CNTN4: variants seen among roughly 807,000 people sequenced by gnomAD.
The protein encoded by CNTN4 is contactin 4.
A neutral mutation model predicts 122.5 loss-of-function variants in CNTN4; 77 were observed. The ratio of observed to expected loss-of-function variants is 0.63; its 90% CI spans 0.52 to 0.76. The LOEUF (loss-of-function observed/expected upper bound fraction) is 0.76, where lower values mean the gene tolerates loss of function less well. Ranked by LOEUF, CNTN4 falls within the 30% of genes least tolerant of loss-of-function variation. The pLI is 0.00. For synonymous variants in CNTN4, 512 were observed against 447.0 expected (o/e 1.15, Z -1.83); for missense variants, 1,256 against 1,259.1 (o/e 1.00, Z 0.04).
intron 4 of CNTN4, among the ~76,000 whole-genome samples, chr3:2,674,555 G>A (rs1039369842): frequency 1.3e-5 from 2 of 152,158 alleles, no homozygotes; most frequent in Admixed American, 6.5e-5. Context: ...TCAGGAGTTC[G>A]AGACCAGCCT....
chr3:2,862,333 G>A (rs11928198), intron 7 of CNTN4, among the ~76,000 whole-genome samples: 19,978 of 152,154 alleles, frequency 0.13, 1,441 homozygotes, highest in Middle Eastern at 0.25. Context: ...CTTGATTGGT[G>A]TCTTCTTTTA....
intron 6 of CNTN4, among the ~76,000 whole-genome samples, chr3:2,802,389 G>A (rs1372089906): frequency 6.6e-6 from 1 of 152,184 alleles, no homozygotes; most frequent in African/African-American, 2.4e-5. Flanking sequence ...TCTGTTTAGT[G>A]GCACGTTGTT....
chr3:2,935,815 C>T (rs911442877), intron 13 of CNTN4, among the ~76,000 whole-genome samples: 1 of 152,132 alleles, frequency 6.6e-6, no homozygotes, highest in Non-Finnish European at 1.5e-5. Context: ...TACAGGTTCC[C>T]CAGTTCCTTG....
At chr3:2,530,606 C>T (rs1575870098) in intron 3 of CNTN4, among the ~76,000 whole-genome samples, 1 of 152,096 alleles carries the variant, frequency 6.6e-6, no homozygotes, top group Non-Finnish European at 1.5e-5. Flanking sequence ...CCGCACCTGG[C>T]CTCTATTTTC....
chr3:2,715,533 G>A (rs1035836351), intron 4 of CNTN4, among the ~76,000 whole-genome samples: 1 of 152,170 alleles, frequency 6.6e-6, no homozygotes, highest in Non-Finnish European at 1.5e-5. Flanking sequence ...AGGATTAAGT[G>A]AGCTACTCTA....
At chr3:2,406,463 G>A (rs1000387626) in intron 3 of CNTN4, among the ~76,000 whole-genome samples, 1 of 152,184 alleles carries the variant, frequency 6.6e-6, no homozygotes, top group Non-Finnish European at 1.5e-5. Context: ...GGATGTTAGT[G>A]AAACCATTGG....
At chr3:2,614,164 GAAA>G (rs1422273922) in intron 4 of CNTN4, among the ~76,000 whole-genome samples, 1 of 152,076 alleles carries the variant, frequency 6.6e-6, no homozygotes, top group African/African-American at 2.4e-5. Flanking sequence ...AGTTTAAGCT[GAAA>G]TCTAAATGAC....
At chr3:2,419,034 A>G (rs567447686) in intron 3 of CNTN4, among the ~76,000 whole-genome samples, 1 of 152,338 alleles carries the variant, frequency 6.6e-6, no homozygotes, top group South Asian at 2.1e-4. Context: ...AATTAGCTCC[A>G]GGGTTCATGA....
intron 12 of CNTN4, among the ~76,000 whole-genome samples, chr3:2,914,323 T>C (rs2094332080): frequency 6.6e-6 from 1 of 151,676 alleles, no homozygotes; most frequent in Admixed American, 6.6e-5. Flanking sequence ...ATAAAGGAAA[T>C]ATAGAATAGA....
chr3:2,289,406 G>C (rs377469608), intron 2 of CNTN4, among the ~76,000 whole-genome samples: 2 of 152,148 alleles, frequency 1.3e-5, no homozygotes, highest in Non-Finnish European at 2.9e-5. Flanking sequence ...GTGAAATGGC[G>C]ATAATAATAG....
At chr3:2,156,468 T>C (rs1294010798) in intron 2 of CNTN4, among the ~76,000 whole-genome samples, 1 of 152,214 alleles carries the variant, frequency 6.6e-6, no homozygotes, top group Non-Finnish European at 1.5e-5. Context: ...ATGGCAGTGA[T>C]CGGATTCCTG....
chr3:2,503,601 TAGTAAGTGGACAACCCATGATACC>T (rs1372865587), intron 3 of CNTN4, among the ~76,000 whole-genome samples: 1 of 152,146 alleles, frequency 6.6e-6, no homozygotes, highest in Admixed American at 6.6e-5. Context: ...CTCACACAGT[TAGTAAGTGGACAACCCATGATACC>T]AGGCTGTCTG....
intron 2 of CNTN4, among the ~76,000 whole-genome samples, chr3:2,207,641 A>G (rs2038420491): frequency 6.6e-6 from 1 of 152,150 alleles, no homozygotes; most frequent in South Asian, 2.1e-4. Context: ...TGAAGCTAGC[A>G]GAGGTTGGTT....
intron 4 of CNTN4, among the ~76,000 whole-genome samples, chr3:2,592,702 C>G (rs922640182): frequency 1.3e-5 from 2 of 152,208 alleles, no homozygotes; most frequent in African/African-American, 4.8e-5. Flanking sequence ...CATTAAACCT[C>G]TCTCTTTTGT....
At chr3:2,735,309 A>T (rs1472910633) in intron 4 of CNTN4, among the ~76,000 whole-genome samples, 1 of 152,246 alleles carries the variant, frequency 6.6e-6, no homozygotes, top group Non-Finnish European at 1.5e-5. Context: ...ATGCATTTTG[A>T]ACAATATTTA....
intron 2 of CNTN4, among the ~76,000 whole-genome samples, chr3:2,219,950 T>G (rs182864576): frequency 2.5e-4 from 38 of 152,302 alleles, no homozygotes; most frequent in African/African-American, 9.1e-4. Context: ...ATCTTTCTAC[T>G]TCCTATTACC....
At chr3:2,672,287 G>C (rs1048512510) in intron 4 of CNTN4, among the ~76,000 whole-genome samples, 2 of 152,178 alleles carry the variant, frequency 1.3e-5, no homozygotes, top group Non-Finnish European at 2.9e-5. Flanking sequence ...AGGCCAATTT[G>C]TTTACCTACT....
chr3:2,408,410 A>G (rs1575570408), intron 3 of CNTN4, among the ~76,000 whole-genome samples: 2 of 152,186 alleles, frequency 1.3e-5, no homozygotes, highest in East Asian at 3.9e-4. Context: ...GTACTTGAGG[A>G]AAAAAGTGGT....
intron 2 of CNTN4, among the ~76,000 whole-genome samples, chr3:2,254,652 G>A (rs932238932): frequency 1.3e-5 from 2 of 152,070 alleles, no homozygotes; most frequent in Admixed American, 6.6e-5. Context: ...GATGATGAGC[G>A]TTTTTTCATA....
Sources: allele counts gnomAD v4.1 joint callset (sites outside exome capture counted in the v4.1 genomes callset), GRCh38; gene constraint gnomAD v4.1.1; transcripts MANE v1.5; gene names NCBI Gene and HGNC (gene_info 2026-07-23, HGNC 2026-07-21).